The following PRICKLE2 variants were observed in gnomAD, a reference collection of about 807,000 sequenced individuals.
The protein encoded by PRICKLE2 is prickle planar cell polarity protein 2, also known as prickle-like protein 2.
A neutral mutation model predicts 81.4 loss-of-function variants in PRICKLE2; 21 were observed. That is an observed-to-expected ratio of 0.26 (90% CI 0.18 to 0.37). The LOEUF is 0.37. Ranked by LOEUF, PRICKLE2 falls within the 10% of genes least tolerant of loss-of-function variation. The pLI is 1.00. For synonymous variants in PRICKLE2, 456 were observed against 421.5 expected, an observed-to-expected ratio of 1.08 and a Z score of -1.00; for missense variants, 940 against 1,109.0, an observed-to-expected ratio of 0.85 and a Z score of 2.16.
At chr3:64,165,963 GGTGTGT>G (rs67554015) in intron 2 of PRICKLE2, among the ~76,000 whole-genome samples, 9,606 of 61,178 alleles carry the variant, frequency 0.16, 433 homozygotes, top group East Asian at 0.42. Flanking sequence ...CTGTTATAAA[GGTGTGT>G]GTGTGTGTGT....
chr3:64,138,044 T>C (rs970726893), intron 7 of PRICKLE2, among the ~76,000 whole-genome samples: 6 of 151,980 alleles, frequency 3.9e-5, no homozygotes, highest in African/African-American at 1.2e-4. Context: ...AAATACATAA[T>C]GGGTGTTTGA....
chr3:64,162,623 G>GA (rs2077753468), intron 3 of PRICKLE2, among the ~76,000 whole-genome samples: 1 of 152,176 alleles, frequency 6.6e-6, no homozygotes, highest in Non-Finnish European at 1.5e-5. Flanking sequence ...GAAAATTCAG[G>GA]AGAGTCACAA....
At chr3:64,178,945 G>C (rs1196214350) in intron 2 of PRICKLE2, among the ~76,000 whole-genome samples, 4 of 151,408 alleles carry the variant, frequency 2.6e-5, no homozygotes, top group Non-Finnish European at 5.9e-5. Flanking sequence ...CCTGACTGAA[G>C]ATTATCTAAC....
chr3:64,237,235 C>T lies in PRICKLE2; in HGVS notation c.129-38268G>A, dbSNP rs530412428. Among the ~76,000 whole-genome samples the T allele has an allele frequency of 3.9e-5, 6 of 152,292 alleles. No individual in the cohort carries two copies. The South Asian group carries it at 1.2e-3, about 32-fold the overall frequency. ...CATCTGTGGATGGCTTAAGTGTTAG[C>T]TCAGTGGAGGGTCAGTGTGACAGCC... On this transcript the variant is annotated intron_variant, in intron 2 of 8. Coordinates refer to the PRICKLE2 transcript ENST00000295902.
chr3:64,253,392 G>T (rs2079477743), intron 2 of PRICKLE2, among the ~76,000 whole-genome samples: 1 of 152,098 alleles, frequency 6.6e-6, no homozygotes, highest in African/African-American at 2.4e-5. Context: ...TCACACAGCT[G>T]TTCAGACACC....
At chr3:64,240,705 A>C (rs976035394) in intron 2 of PRICKLE2, among the ~76,000 whole-genome samples, 7 of 152,176 alleles carry the variant, frequency 4.6e-5, no homozygotes, top group Non-Finnish European at 7.3e-5. Flanking sequence ...CAGCAGCCTC[A>C]GTATCACCAG....
intron 7 of PRICKLE2, among the ~76,000 whole-genome samples, chr3:64,140,014 T>C (rs957471952): frequency 3.3e-5 from 5 of 152,232 alleles, no homozygotes; most frequent in African/African-American, 7.2e-5. Context: ...CCATGTCCAA[T>C]TCAGCTCAGC....
chr3:64,111,818 C>G (rs912667267), intron 7 of PRICKLE2, among the ~76,000 whole-genome samples: 2 of 152,132 alleles, frequency 1.3e-5, no homozygotes, highest in South Asian at 4.1e-4. Context: ...CTGGCACTGC[C>G]TATTGCTTGA....
At chr3:64,194,726 T>A (rs1012842361) in intron 2 of PRICKLE2, among the ~76,000 whole-genome samples, 8 of 152,208 alleles carry the variant, frequency 5.3e-5, no homozygotes, top group Non-Finnish European at 1.0e-4. Context: ...GTATACACTA[T>A]TCACTGTTTG....
intron 7 of PRICKLE2, among the ~76,000 whole-genome samples, chr3:64,106,553 T>C (rs2076758730): frequency 6.6e-6 from 1 of 152,214 alleles, no homozygotes. Flanking sequence ...CAGCCACTGT[T>C]GTAAATTATC....
chr3:64,100,316 T>C (rs989785204), intron 7 of PRICKLE2: 2 of 191,618 alleles, frequency 1.0e-5, no homozygotes, highest in African/African-American at 2.3e-5. Context: ...GACAGATATT[T>C]TGGATGAGCA....
chr3:64,198,775 G>A lies in PRICKLE2; in HGVS notation c.144+9C>T. The stretch of plus-strand genomic sequence containing the variant: ...CAAACCACCAGCATGCTCCCATCCA[G>A]AATGGTACCTGTTCAGGCTTCAGAC... On this transcript the variant is annotated intron_variant, in intron 2 of 7. Coordinates refer to ENST00000638394, the MANE Select transcript of PRICKLE2 (RefSeq NM_198859.4). The A allele has an allele frequency of 6.2e-7, 1 of 1,613,950 alleles. No individual in the cohort carries two copies. Among genetic ancestry groups the A allele is most frequent in the Non-Finnish European group, 8.5e-7 (1 of 1,179,906 alleles).
chr3:64,205,468 C>T (rs2078670423), intron 1 of PRICKLE2, among the ~76,000 whole-genome samples: 1 of 152,178 alleles, frequency 6.6e-6, no homozygotes, highest in Non-Finnish European at 1.5e-5. Flanking sequence ...CCTGCCATTA[C>T]TTGAAAGGAT....
At position 64,158,335 on chromosome 3, in the gene PRICKLE2, C is replaced by G. The variant is rs548673492; in HGVS notation, c.397-970G>C. On this transcript the variant is annotated intron_variant, in intron 4 of 7. Coordinates refer to ENST00000638394, the MANE Select transcript of PRICKLE2 (RefSeq NM_198859.4). ...AGACCTCACAAACAGTCTCTGGGAA[C>G]TCATCCACGTGTGTGACTGGACAAA... 2.6e-5 allele frequency among the ~76,000 whole-genome samples: 4 copies of G among 152,228 alleles called. No individual in the cohort carries two copies. In the South Asian group the frequency reaches 8.3e-4, roughly 32 times the overall value.
chr3:64,204,635 GA>G (rs920863042), intron 1 of PRICKLE2, among the ~76,000 whole-genome samples: 24 of 145,644 alleles, frequency 1.6e-4, no homozygotes, highest in African/African-American at 3.0e-4. Flanking sequence ...GGAAGAAAAG[GA>G]AAAAAAAAAC....
At chr3:64,161,403 A>C (rs2077731690) in intron 3 of PRICKLE2, among the ~76,000 whole-genome samples, 2 of 152,208 alleles carry the variant, frequency 1.3e-5, no homozygotes, top group Non-Finnish European at 2.9e-5. Context: ...GGTTAGAGGG[A>C]AACCTTGGAA....
chr3:64,133,942 C>G (rs2077237157), intron 7 of PRICKLE2, among the ~76,000 whole-genome samples: 1 of 152,180 alleles, frequency 6.6e-6, no homozygotes, highest in South Asian at 2.1e-4. Flanking sequence ...TTCCTGAGTT[C>G]TGGTCAATCT....
intron 2 of PRICKLE2, among the ~76,000 whole-genome samples, chr3:64,175,911 G>T (rs556454621): frequency 6.6e-6 from 1 of 152,022 alleles, no homozygotes; most frequent in Non-Finnish European, 1.5e-5. Flanking sequence ...ATCATGACCC[G>T]AGAATAGTGG....
intron 7 of PRICKLE2, among the ~76,000 whole-genome samples, chr3:64,126,683 T>A (rs891570203): frequency 1.3e-5 from 2 of 152,212 alleles, no homozygotes; most frequent in East Asian, 3.9e-4. Context: ...GTACAAGCTA[T>A]TCTCCTGCCT....
Sources: allele counts gnomAD v4.1 joint callset (sites outside exome capture counted in the v4.1 genomes callset), GRCh38; gene constraint gnomAD v4.1.1; transcripts MANE v1.5; gene names NCBI Gene and HGNC (gene_info 2026-07-23, HGNC 2026-07-21).